FAM174A: variants seen among roughly 807,000 people sequenced by gnomAD.
The protein encoded by FAM174A is family with sequence similarity 174 member A, also known as membrane protein FAM174A.
In FAM174A, 14 loss-of-function variants were observed where a neutral mutation model predicts 14.3. The ratio of observed to expected loss-of-function variants is 0.98; its 90% CI spans 0.65 to 1.53. The LOEUF (loss-of-function observed/expected upper bound fraction) is 1.53, where lower values mean the gene tolerates loss of function less well. Among genes scored for constraint, FAM174A ranks in the 40% most tolerant of loss-of-function variants. FAM174A has a pLI of 0.00. For missense variants in FAM174A, 241 were observed against 249.6 expected, an observed-to-expected ratio of 0.97 and a Z score of 0.23; for synonymous variants, 108 against 111.4, an observed-to-expected ratio of 0.97 and a Z score of 0.19.
At chr5:100,578,308 TC>T (rs1334924641) in intron 2 of FAM174A, among the ~76,000 whole-genome samples, 1 of 152,132 alleles carries the variant, frequency 6.6e-6, no homozygotes, top group Admixed American at 6.5e-5. Flanking sequence ...TAGACCAATC[TC>T]TTGAATCTTG....
intron 2 of FAM174A, among the ~76,000 whole-genome samples, chr5:100,576,622 A>C (rs1746911037): frequency 6.6e-6 from 1 of 152,190 alleles, no homozygotes; most frequent in African/African-American, 2.4e-5. Context: ...GTTCAGACTT[A>C]CCAGTTGAGG....
At chr5:100,569,305 G>T (rs1746726764) in intron 2 of FAM174A, among the ~76,000 whole-genome samples, 2 of 151,662 alleles carry the variant, frequency 1.3e-5, no homozygotes, top group Middle Eastern at 3.4e-3. Flanking sequence ...AGAGTAATAT[G>T]TAGCTATAAG....
chr5:100,546,240 G>A (rs2112368876), intron 1 of FAM174A, among the ~76,000 whole-genome samples: 2 of 152,274 alleles, frequency 1.3e-5, no homozygotes, highest in South Asian at 4.1e-4. Context: ...CTTCACAGTT[G>A]TCAGAGCTTG....
Position 100,535,376 on chromosome 5 carries a change from C to A in FAM174A, c.-155C>A. The A allele has an allele frequency of 1.3e-6, 1 of 752,130 alleles. No homozygotes were observed. The highest frequency in any genetic ancestry group is 2.2e-6 in the Non-Finnish European group (1 of 460,592). The allele number at this position is 752,130 out of a possible 1,614,324, so 46.6% of individuals were successfully genotyped here. On this transcript the variant is annotated 5_prime_UTR_variant, in exon 1 of 3. The change creates a new upstream start codon in the 5' untranslated region. Coordinates refer to ENST00000312637, the MANE Select transcript of FAM174A (RefSeq NM_198507.3). ...TACGAACTTCCGGTTCTCCGGGCAGCTGCCACTGCTGTAGCTTCTGCCACC... is the reference window on the plus strand; with the variant it reads ...TACGAACTTCCGGTTCTCCGGGCAGATGCCACTGCTGTAGCTTCTGCCACC...
intron 1 of FAM174A, among the ~76,000 whole-genome samples, chr5:100,557,600 T>C (rs1481069924): frequency 6.6e-6 from 1 of 152,198 alleles, no homozygotes; most frequent in African/African-American, 2.4e-5. Flanking sequence ...TATTAATTAT[T>C]GCCTCAATTT....
intron 1 of FAM174A, among the ~76,000 whole-genome samples, chr5:100,553,851 G>A (rs975470133): frequency 3.9e-5 from 6 of 152,138 alleles, no homozygotes; most frequent in African/African-American, 1.4e-4. Context: ...ACCACTCATT[G>A]TAAGATTAGG....
intron 1 of FAM174A, among the ~76,000 whole-genome samples, chr5:100,539,607 A>G (rs1217596547): frequency 6.6e-6 from 1 of 152,174 alleles, no homozygotes; most frequent in Non-Finnish European, 1.5e-5. Context: ...AAAAACCTTC[A>G]AAGTAGGTAA....
intron 2 of FAM174A, among the ~76,000 whole-genome samples, chr5:100,568,916 A>AGGTTTCTTCTTC (rs149286125): frequency 0.082 from 12,417 of 151,800 alleles, 789 homozygotes; most frequent in African/African-American, 0.17. Context: ...TTTCTGTTTT[A>AGGTTTCTTCTTC]GGTTTCTTCT....
rs73164236 is a variant in FAM174A at position 100,536,650 on chromosome 5, T to G, written c.434+686T>G. Reference sequence around the variant, plus strand: ...CCATTAGGAGAAGCCAGCAAAGAGATAAGGTGAGGGAAAGCTGTCTAGCAG... The same window carrying G: ...CCATTAGGAGAAGCCAGCAAAGAGAGAAGGTGAGGGAAAGCTGTCTAGCAG... On this transcript the variant is annotated intron_variant, in intron 1 of 2. Transcript: ENST00000312637. Among the ~76,000 whole-genome samples the G allele has an allele frequency of 3.3e-3, 502 of 152,234 alleles. 1 individual carries two copies. Among genetic ancestry groups the G allele is most frequent in the Middle Eastern group, 0.017 (5 of 294 alleles).
chr5:100,583,044 T>C (rs1040462396), intron 2 of FAM174A, among the ~76,000 whole-genome samples: 2 of 152,210 alleles, frequency 1.3e-5, no homozygotes, highest in Non-Finnish European at 2.9e-5. Flanking sequence ...ATATGTATTA[T>C]ATACTCTATT....
intron 2 of FAM174A, among the ~76,000 whole-genome samples, chr5:100,577,009 A>G (rs1334167539): frequency 6.6e-6 from 1 of 152,182 alleles, no homozygotes; most frequent in Non-Finnish European, 1.5e-5. Context: ...AATTCTCATA[A>G]GCAGTCTCAA....
chr5:100,540,698 C>T (rs1746032625), intron 1 of FAM174A, among the ~76,000 whole-genome samples: 2 of 152,080 alleles, frequency 1.3e-5, no homozygotes, highest in African/African-American at 2.4e-5. Flanking sequence ...GATGACATAA[C>T]TGATATGTCA....
At chr5:100,557,220 G>GTTCTGTT (rs551618959) in intron 1 of FAM174A, among the ~76,000 whole-genome samples, 36,828 of 150,580 alleles carry the variant, frequency 0.24, 4,793 homozygotes, top group Admixed American at 0.35. Context: ...TCTGTCATTG[G>GTTCTGTT]TACATGTTGG....
At chr5:100,566,319 T>C (rs1746651572) in intron 2 of FAM174A, among the ~76,000 whole-genome samples, 1 of 151,418 alleles carries the variant, frequency 6.6e-6, no homozygotes, top group Admixed American at 6.6e-5. Context: ...GAAAGACAGA[T>C]ATTGCATTAT....
chr5:100,585,310 A>G (rs1285669864), intron 2 of FAM174A, among the ~76,000 whole-genome samples: 1 of 152,240 alleles, frequency 6.6e-6, no homozygotes, highest in Non-Finnish European at 1.5e-5. Context: ...ATAAATTTTA[A>G]CATAGTAGAT....
In FAM174A at chr5:100,535,850, G is replaced by A. The variant is rs1454115188; in HGVS notation, c.320G>A (p.Gly107Asp). 1.9e-6 allele frequency: 3 copies of A among 1,612,018 alleles called. No homozygotes were observed. In the South Asian group the frequency reaches 3.3e-5, roughly 18 times the overall value. ...AAGGCCGGGGAAGGCTCGGTGGGTG[G>A]CGGCCTTGCTGTGAGCCCCAACCCT... ...GGKAGEGSVG[G>D]GLAVSPNPGD... Residue 107 changes from glycine to aspartate, a missense_variant, in exon 1 of 3, where the codon GGC becomes GAC. Transcript: ENST00000312637.
intron 2 of FAM174A, among the ~76,000 whole-genome samples, chr5:100,576,696 A>G (rs1384966377): frequency 6.6e-6 from 1 of 152,160 alleles, no homozygotes; most frequent in African/African-American, 2.4e-5. Flanking sequence ...TAACCATTGA[A>G]GTTCAATACA....
At position 100,562,078 on chromosome 5, in the gene FAM174A, T is replaced by G; in HGVS notation, c.459T>G (p.Thr153=). The change falls in exon 2 of 3, where the codon ACT becomes ACG. Residue 153 remains threonine, a synonymous_variant. Transcript: ENST00000312637. ...GGATGAGAAGAAGAAACCGAAAGAC[T>G]AGGAGATATGGAGTTTTGGACACTA... is the stretch of plus-strand genomic sequence containing the variant. ...TVRMRRRNRK[T]RRYGVLDTNI... is the part of the protein sequence containing the mutation. The G allele has an allele frequency of 6.3e-7, 1 of 1,579,538 alleles. No individual in the cohort carries two copies.
chr5:100,549,219 G>A (rs911704302), intron 1 of FAM174A, among the ~76,000 whole-genome samples: 5 of 152,052 alleles, frequency 3.3e-5, no homozygotes, highest in Admixed American at 1.3e-4. Context: ...TGGGGGTACT[G>A]AACTGTAGAT....
Sources: allele counts gnomAD v4.1 joint callset (sites outside exome capture counted in the v4.1 genomes callset), GRCh38; gene constraint gnomAD v4.1.1; transcripts MANE v1.5; gene names NCBI Gene and HGNC (gene_info 2026-07-23, HGNC 2026-07-21).